KAZN: variants seen among roughly 807,000 people sequenced by gnomAD.
KAZN encodes the protein kazrin, periplakin interacting protein.
In KAZN, 40 loss-of-function variants were observed where a neutral mutation model predicts 87.4. The observed-to-expected ratio is 0.46, with a 90% confidence interval of 0.36 to 0.60. The LOEUF (loss-of-function observed/expected upper bound fraction) is 0.60. Ranked by LOEUF, KAZN falls within the 20% of genes least tolerant of loss-of-function variation. The probability of loss-of-function intolerance (pLI) is 0.00; values close to 1 mark genes in which losing one functional copy is unlikely to be tolerated. For missense variants in KAZN, 898 were observed against 1,073.9 expected, an observed-to-expected ratio of 0.84 and a Z score of 2.29; for synonymous variants, 466 against 458.3, an observed-to-expected ratio of 1.02 and a Z score of -0.22.
At chr1:14,947,760 T>C (rs1430831636) in intron 1 of KAZN, among the ~76,000 whole-genome samples, 1 of 152,166 alleles carries the variant, frequency 6.6e-6, no homozygotes, top group Non-Finnish European at 1.5e-5. Flanking sequence ...GGTGAGAGAA[T>C]CTGATGGGCT....
intron 1 of KAZN, among the ~76,000 whole-genome samples, chr1:14,920,445 G>C (rs1658379700): frequency 1.3e-5 from 2 of 151,472 alleles, no homozygotes; most frequent in Non-Finnish European, 2.9e-5. Flanking sequence ...AAAATGAGTT[G>C]CCGGGAGGAC....
intron 1 of KAZN, among the ~76,000 whole-genome samples, chr1:14,095,916 C>A (rs1019707207): frequency 6.6e-6 from 1 of 152,018 alleles, no homozygotes; most frequent in African/African-American, 2.4e-5. Flanking sequence ...ATGGCAAGAG[C>A]ATCAAATAAT....
intron 1 of KAZN, among the ~76,000 whole-genome samples, chr1:14,077,704 C>A (rs1257366015): frequency 6.6e-6 from 1 of 152,154 alleles, no homozygotes; most frequent in Non-Finnish European, 1.5e-5. Flanking sequence ...GCCCTGGTAC[C>A]TGTGAATGTG....
At chr1:14,741,720 C>A (rs1360959435) in intron 1 of KAZN, among the ~76,000 whole-genome samples, 1 of 152,198 alleles carries the variant, frequency 6.6e-6, no homozygotes, top group East Asian at 1.9e-4. Context: ...GAGGTTCTCA[C>A]TCCCCACTCA....
intron 1 of KAZN, among the ~76,000 whole-genome samples, chr1:14,885,862 T>G (rs180971123): frequency 6.6e-6 from 1 of 152,124 alleles, no homozygotes; most frequent in Admixed American, 6.5e-5. Flanking sequence ...CTGAAATAAA[T>G]CTATCGATAC....
In KAZN at chr1:14,072,058, C is replaced by G. The variant is rs558914056; in HGVS notation, c.92-108377C>G. On this transcript the variant is annotated intron_variant, in intron 1 of 16. Coordinates refer to the KAZN transcript ENST00000636203. ...GAAATACTATCCCAGCAAGTTCTAA[C>G]TTTGCTAACTTAAGGCAGTAATTTG... 1.2e-4 allele frequency among the ~76,000 whole-genome samples: 18 copies of G among 152,282 alleles called. No homozygotes were observed. The South Asian group carries it at 3.7e-3, about 32-fold the overall frequency.
At chr1:15,040,896 A>G (rs890549980) in intron 3 of KAZN, among the ~76,000 whole-genome samples, 1 of 152,104 alleles carries the variant, frequency 6.6e-6, no homozygotes, top group Non-Finnish European at 1.5e-5. Context: ...GAAGGGAAAC[A>G]GGCCACTTTC....
Position 14,903,954 on chromosome 1 carries a change from G to A in KAZN, c.227-56730G>A, listed in dbSNP as rs550532059. Among the ~76,000 whole-genome samples, 40 of 152,318 alleles carry A rather than the reference G, an allele frequency of 2.6e-4. 1 individual carries two copies. The highest frequency in any genetic ancestry group is 6.8e-3 in the Middle Eastern group (2 of 294). ...AGCAGACTGCGGAAGGCCAGACAGC[G>A]AGGGCAGCATTCTGTCTTAATCTCC... On this transcript the variant is annotated intron_variant, in intron 1 of 14. Transcript: ENST00000376030.
At chr1:14,433,336 A>T (rs1666191448) in intron 2 of KAZN, among the ~76,000 whole-genome samples, 1 of 152,226 alleles carries the variant, frequency 6.6e-6, no homozygotes, top group Non-Finnish European at 1.5e-5. Context: ...TTTAAAAATA[A>T]TTGCATAGTG....
At chr1:14,371,099 T>C (rs1367201810) in intron 2 of KAZN, among the ~76,000 whole-genome samples, 1 of 152,128 alleles carries the variant, frequency 6.6e-6, no homozygotes, top group Admixed American at 6.5e-5. Flanking sequence ...CCAACGTTAG[T>C]GTGCATCAGA....
At chr1:14,468,833 T>C (rs540699858) in intron 2 of KAZN, among the ~76,000 whole-genome samples, 3 of 152,228 alleles carry the variant, frequency 2.0e-5, no homozygotes, top group Non-Finnish European at 4.4e-5. Context: ...TCGTCAACCG[T>C]TTGCAAGATG....
chr1:14,517,578 G>C lies in KAZN; in HGVS notation c.250-81405G>C, dbSNP rs76599873. On this transcript the variant is annotated intron_variant, in intron 2 of 16. Coordinates refer to the KAZN transcript ENST00000636203. ...TAGCGCCATTTGTGACTCACAGCAT[G>C]AGCTTAAGCTCTTCCAGTCCTGCAC... Among the ~76,000 whole-genome samples, 7 of 152,322 alleles carry C rather than the reference G, an allele frequency of 4.6e-5. No individual in the cohort carries two copies. In the East Asian group the frequency reaches 1.4e-3, roughly 29 times the overall value.
At chr1:14,433,954 G>T (rs940174390) in intron 2 of KAZN, among the ~76,000 whole-genome samples, 6 of 152,238 alleles carry the variant, frequency 3.9e-5, no homozygotes, top group African/African-American at 1.4e-4. Context: ...ACAATGCGAA[G>T]GAGGCTGTTT....
intron 10 of KAZN, among the ~76,000 whole-genome samples, chr1:15,098,045 C>T (rs540020204): frequency 3.3e-5 from 5 of 152,318 alleles, no homozygotes; most frequent in African/African-American, 1.2e-4. Context: ...CCTACAACTC[C>T]ATGAGGCAAG....
intron 2 of KAZN, among the ~76,000 whole-genome samples, chr1:14,456,398 A>G (rs1484264948): frequency 2.0e-5 from 3 of 152,166 alleles, no homozygotes; most frequent in African/African-American, 7.2e-5. Flanking sequence ...CTTAGTAGAT[A>G]TTCGAAAAAT....
rs1320718471 is a variant in KAZN, at chr1:13,955,411, A to G, written c.91+61655A>G. Among the ~76,000 whole-genome samples the G allele has an allele frequency of 2.0e-5, 3 of 152,150 alleles. No individual in the cohort carries two copies. The East Asian group carries it at 5.8e-4, about 29-fold the overall frequency. On this transcript the variant is annotated intron_variant, in intron 1 of 16. Transcript: ENST00000636203. Reference sequence around the variant, plus strand: ...GAATAAATCTCCTTTTAAAATATAAATAAATGTCCTTTAAATAATTTTAAA... The same window carrying G: ...GAATAAATCTCCTTTTAAAATATAAGTAAATGTCCTTTAAATAATTTTAAA...
At chr1:14,050,183 T>A (rs1449890466) in intron 1 of KAZN, among the ~76,000 whole-genome samples, 1 of 150,460 alleles carries the variant, frequency 6.6e-6, no homozygotes, top group Non-Finnish European at 1.5e-5. Flanking sequence ...TGTGCGCACA[T>A]GTGTGTACAC....
intron 2 of KAZN, among the ~76,000 whole-genome samples, chr1:14,294,759 C>T (rs190433746): frequency 9.1e-4 from 137 of 151,008 alleles, no homozygotes; most frequent in South Asian, 3.6e-3. Flanking sequence ...TGCCTAAAAC[C>T]CCACGAATTC....
chr1:14,114,618 T>C (rs576751471), intron 1 of KAZN, among the ~76,000 whole-genome samples: 1 of 152,250 alleles, frequency 6.6e-6, no homozygotes, highest in South Asian at 2.1e-4. Context: ...ATTCCCCCAT[T>C]CACCATTAAC....
Sources: gnomAD v4.1 joint callset for allele counts (sites outside exome capture counted in the v4.1 genomes callset) on GRCh38, gnomAD v4.1.1 for gene constraint, MANE v1.5 for transcripts, NCBI Gene and HGNC (gene_info 2026-07-23, HGNC 2026-07-21) for gene names.